KCNK2: variants seen among roughly 807,000 people sequenced by gnomAD.
The protein encoded by KCNK2 is potassium channel subfamily K member 2.
Under a neutral mutation model 40.5 loss-of-function variants are expected in KCNK2, and 21 were observed. The observed-to-expected ratio is 0.52, with a 90% CI of 0.37 to 0.75. The LOEUF (loss-of-function observed/expected upper bound fraction) is 0.75. KCNK2 is among the 30% of genes least tolerant of loss of function. The probability of loss-of-function intolerance (pLI) is 0.00; values close to 1 mark genes in which losing one functional copy is unlikely to be tolerated. For missense variants in KCNK2, 399 were observed against 531.6 expected (o/e 0.75, Z 2.45); for synonymous variants, 191 against 202.2 (o/e 0.94, Z 0.47).
At chr1:215,200,743 G>T (rs939874081) in intron 6 of KCNK2, among the ~76,000 whole-genome samples, 2 of 152,030 alleles carry the variant, frequency 1.3e-5, no homozygotes, top group African/African-American at 4.8e-5. Flanking sequence ...CATATTTGGG[G>T]GATAAAAGGA....
intron 2 of KCNK2, among the ~76,000 whole-genome samples, chr1:215,094,651 G>A (rs1239054857): frequency 2.0e-5 from 3 of 152,108 alleles, no homozygotes; most frequent in East Asian, 3.9e-4. Flanking sequence ...TAGCAATTGA[G>A]ACATTTTCAT....
chr1:215,133,742 G>T (rs932731807), intron 3 of KCNK2, among the ~76,000 whole-genome samples: 4 of 151,950 alleles, frequency 2.6e-5, no homozygotes, highest in African/African-American at 9.7e-5. Context: ...TGTGCCAAAT[G>T]AAGTTCATGT....
chr1:215,227,836 T>C (rs1666454106), intron 6 of KCNK2, among the ~76,000 whole-genome samples: 1 of 152,070 alleles, frequency 6.6e-6, no homozygotes, highest in Non-Finnish European at 1.5e-5. Flanking sequence ...GGTTGTAAGA[T>C]TTGCTTTAAT....
intron 6 of KCNK2, among the ~76,000 whole-genome samples, chr1:215,217,079 T>G (rs1050752398): frequency 6.6e-6 from 1 of 152,190 alleles, no homozygotes; most frequent in Non-Finnish European, 1.5e-5. Flanking sequence ...ACATTACTTA[T>G]TTTTTTCCAA....
intron 2 of KCNK2, among the ~76,000 whole-genome samples, chr1:215,114,306 G>T (rs1660828170): frequency 6.6e-6 from 1 of 152,108 alleles, no homozygotes; most frequent in African/African-American, 2.4e-5. Flanking sequence ...ATGAGGAAAG[G>T]TGCCAAGTTC....
At chr1:215,059,488 A>G (rs1414172162) in intron 1 of KCNK2, among the ~76,000 whole-genome samples, 4 of 152,186 alleles carry the variant, frequency 2.6e-5, no homozygotes, top group Non-Finnish European at 5.9e-5. Flanking sequence ...ATAGCATTAT[A>G]TACTATATAG....
chr1:215,115,874 A>C (rs1182712776), intron 2 of KCNK2, among the ~76,000 whole-genome samples: 2 of 152,008 alleles, frequency 1.3e-5, no homozygotes, highest in Non-Finnish European at 2.9e-5. Context: ...GGAAAAATGC[A>C]CACCAGGGAA....
intron 1 of KCNK2, among the ~76,000 whole-genome samples, chr1:215,006,833 G>C (rs1303467955): frequency 6.6e-6 from 1 of 151,352 alleles, no homozygotes; most frequent in East Asian, 1.9e-4. Context: ...TATTTAACAA[G>C]AACTATATAA....
intron 1 of KCNK2, among the ~76,000 whole-genome samples, chr1:215,046,586 G>A (rs1427474823): frequency 6.6e-6 from 1 of 151,932 alleles, no homozygotes; most frequent in Non-Finnish European, 1.5e-5. Context: ...AACAGGTACA[G>A]GTTTTTTTGG....
At chr1:215,086,270 C>T in intron 1 of KCNK2, 98 bp from the exon 2 acceptor site, 10 of 965,278 alleles carry the variant, frequency 1.0e-5, no homozygotes, top group South Asian at 3.2e-5. Flanking sequence ...GGAGAGCGAG[C>T]GGAATTCAAT....
intron 1 of KCNK2, among the ~76,000 whole-genome samples, chr1:215,036,016 T>C (rs2601628): frequency 0.85 from 129,034 of 151,520 alleles, 55,234 homozygotes; most frequent in East Asian, 0.99. Context: ...TCTTTTGATA[T>C]GCAGAAGGTT....
At chr1:215,080,563 G>T (rs1342537843), upstream of KCNK2, among the ~76,000 whole-genome samples, 3 of 151,742 alleles carry the variant, frequency 2.0e-5, no homozygotes, top group South Asian at 4.2e-4. Flanking sequence ...TCACTCAGAT[G>T]TTTATCAAAC....
chr1:215,234,815 T>C lies in KCNK2; in HGVS notation c.964-13T>C. 1 of 1,593,582 alleles carries C rather than the reference T, an allele frequency of 6.3e-7. No homozygotes were observed. Among genetic ancestry groups the C allele is most frequent in the Non-Finnish European group, 8.6e-7 (1 of 1,164,664 alleles). ...GTCAATATCTTTATCTTTTCTCTGCTTGTATGTTCCAGGTGGGAGAGTTCA... is the reference window on the plus strand; with the variant it reads ...GTCAATATCTTTATCTTTTCTCTGCCTGTATGTTCCAGGTGGGAGAGTTCA... On this transcript the variant is annotated splice_polypyrimidine_tract_variant and intron_variant, in intron 6 of 6. Coordinates refer to ENST00000444842, the MANE Select transcript of KCNK2 (RefSeq NM_001017425.3).
intron 3 of KCNK2, among the ~76,000 whole-genome samples, chr1:215,146,547 C>A (rs1220268025): frequency 6.6e-6 from 1 of 152,148 alleles, no homozygotes; most frequent in East Asian, 1.9e-4. Context: ...CTTTGATTTA[C>A]CTACTTTAAT....
At chr1:215,189,217 A>C (rs1664567022) in intron 5 of KCNK2, among the ~76,000 whole-genome samples, 1 of 152,176 alleles carries the variant, frequency 6.6e-6, no homozygotes, top group African/African-American at 2.4e-5. Context: ...CAAACCAAAA[A>C]GTTACTTAAC....
At chr1:215,208,090 T>A (rs1331551733) in intron 6 of KCNK2, among the ~76,000 whole-genome samples, 1 of 152,192 alleles carries the variant, frequency 6.6e-6, no homozygotes, top group African/African-American at 2.4e-5. Flanking sequence ...ACTGCAACAC[T>A]ATTCACAATA....
intron 6 of KCNK2, among the ~76,000 whole-genome samples, chr1:215,221,268 G>A (rs1309860740): frequency 6.6e-6 from 1 of 152,204 alleles, no homozygotes; most frequent in Non-Finnish European, 1.5e-5. Context: ...CAGCTACTCA[G>A]GAGGCTGAGG....
At chr1:215,040,081 G>A (rs553507199) in intron 1 of KCNK2, among the ~76,000 whole-genome samples, 18 of 152,010 alleles carry the variant, frequency 1.2e-4, no homozygotes, top group Non-Finnish European at 1.9e-4. Flanking sequence ...TTCAGTTCCC[G>A]TGCTAAGTAC....
intron 2 of KCNK2, among the ~76,000 whole-genome samples, chr1:215,123,335 G>A (rs1661277969): frequency 6.6e-6 from 1 of 151,416 alleles, no homozygotes; most frequent in African/African-American, 2.4e-5. Flanking sequence ...CATTAAAAGT[G>A]GTTATCTCTG....
Sources: allele counts gnomAD v4.1 joint callset (sites outside exome capture counted in the v4.1 genomes callset), GRCh38; gene constraint gnomAD v4.1.1; transcripts MANE v1.5; gene names NCBI Gene and HGNC (gene_info 2026-07-23, HGNC 2026-07-21).